DPP6: variants seen among roughly 807,000 people sequenced by gnomAD.
The protein encoded by DPP6 is A-type potassium channel modulatory protein DPP6.
A neutral mutation model predicts 122.6 loss-of-function variants in DPP6; 69 were observed. The observed-to-expected ratio is 0.56, with a 90% confidence interval of 0.46 to 0.69. DPP6 has a LOEUF of 0.69. DPP6 is among the 30% of genes least tolerant of loss of function. The probability of loss-of-function intolerance (pLI) is 0.00; values close to 1 mark genes in which losing one functional copy is unlikely to be tolerated. For synonymous variants in DPP6, 418 were observed against 433.1 expected (o/e 0.97, Z 0.43); for missense variants, 928 against 1,116.9 (o/e 0.83, Z 2.41).
chr7:154,883,053 TCA>T (rs1805537223), intron 21 of DPP6, among the ~76,000 whole-genome samples: 2 of 69,028 alleles, frequency 2.9e-5, no homozygotes, highest in East Asian at 7.9e-4. Flanking sequence ...ACACACATGC[TCA>T]CACATTCACA....
chr7:154,591,859 A>G (rs1394489044), intron 5 of DPP6, among the ~76,000 whole-genome samples: 1 of 152,350 alleles, frequency 6.6e-6, no homozygotes, highest in East Asian at 1.9e-4. Context: ...AAGGAATGCT[A>G]GACTGTGCGT....
chr7:153,853,238 A>G, the DPP6 span, among the ~76,000 whole-genome samples: 5 of 152,312 alleles, frequency 3.3e-5, no homozygotes, highest in East Asian at 3.9e-4. Context: ...CCATGTCTAT[A>G]GCTGTTCTGC....
At chr7:154,868,457 A>C (rs1307884943) in intron 18 of DPP6, among the ~76,000 whole-genome samples, 2 of 152,138 alleles carry the variant, frequency 1.3e-5, no homozygotes, top group Non-Finnish European at 2.9e-5. Context: ...TTCCTGCCTC[A>C]TCAGCTGGTG....
chr7:154,692,348 G>C (rs1277456163), intron 7 of DPP6, among the ~76,000 whole-genome samples: 87 of 152,264 alleles, frequency 5.7e-4, no homozygotes, highest in Admixed American at 5.6e-3. Context: ...TAATTATTGG[G>C]CAAATCTGAG....
chr7:154,511,353 C>A (rs1826080289), intron 3 of DPP6, among the ~76,000 whole-genome samples: 1 of 152,086 alleles, frequency 6.6e-6, no homozygotes, highest in African/African-American at 2.4e-5. Context: ...TGCCTGTAGA[C>A]AGGATGAACA....
At chr7:154,761,378 G>C (rs922320449) in intron 8 of DPP6, among the ~76,000 whole-genome samples, 3 of 152,228 alleles carry the variant, frequency 2.0e-5, no homozygotes, top group African/African-American at 7.2e-5. Context: ...CATCTGACCA[G>C]GGCTTGCTCA....
At chr7:154,480,576 A>G (rs898192127) in intron 3 of DPP6, among the ~76,000 whole-genome samples, 2 of 152,018 alleles carry the variant, frequency 1.3e-5, no homozygotes, top group Admixed American at 1.3e-4. Flanking sequence ...CTGACGTTTA[A>G]TATTGCTGCA....
chr7:154,385,790 A>G (rs1814056945), intron 1 of DPP6, among the ~76,000 whole-genome samples: 1 of 152,142 alleles, frequency 6.6e-6, no homozygotes, highest in Admixed American at 6.6e-5. Context: ...AGAGAAAGCA[A>G]GAAGGATGGT....
chr7:154,236,592 C>T (rs1801229160), intron 1 of DPP6, among the ~76,000 whole-genome samples: 1 of 152,144 alleles, frequency 6.6e-6, no homozygotes, highest in Non-Finnish European at 1.5e-5. Flanking sequence ...GTTTATTTCT[C>T]ACTAAACCAT....
chr7:154,214,528 A>T (rs922607824), intron 1 of DPP6, among the ~76,000 whole-genome samples: 1 of 152,218 alleles, frequency 6.6e-6, no homozygotes, highest in Non-Finnish European at 1.5e-5. Flanking sequence ...ACCACCTCCA[A>T]ACGCCACCTT....
In DPP6 at chr7:154,598,415, C is replaced by G. The variant is rs367782333; in HGVS notation, c.627+31499C>G. Among the ~76,000 whole-genome samples, 8 of 152,152 alleles carry G rather than the reference C, an allele frequency of 5.3e-5. No homozygotes were observed. In the South Asian group the frequency reaches 1.7e-3, roughly 32 times the overall value. On this transcript the variant is annotated intron_variant, in intron 5 of 25. Coordinates refer to ENST00000377770, the MANE Select transcript of DPP6 (RefSeq NM_130797.4). ...AGGTAACGTTATTTGTTGCAGACAG[C>G]CTTTGGCCATTGTGTAGATCCCAAA... is the stretch of plus-strand genomic sequence containing the variant.
intron 10 of DPP6, among the ~76,000 whole-genome samples, chr7:154,775,639 A>AGTGAGT (rs1398021236): frequency 3.3e-5 from 5 of 151,968 alleles, no homozygotes; most frequent in Admixed American, 2.0e-4. Context: ...TTGAACAAGG[A>AGTGAGT]CATCCTAGGG....
chr7:154,078,958 A>C (rs1404530167), intron 1 of DPP6, among the ~76,000 whole-genome samples: 2 of 150,918 alleles, frequency 1.3e-5, no homozygotes, highest in Non-Finnish European at 3.0e-5. Flanking sequence ...AAAAAAAAAA[A>C]AAAAAAAAAA....
chr7:154,732,197 G>A (rs946994260), intron 8 of DPP6, among the ~76,000 whole-genome samples: 2 of 105,518 alleles, frequency 1.9e-5, no homozygotes, highest in South Asian at 4.2e-4. Flanking sequence ...CTGCCACCAT[G>A]CCCGGCTAAT....
intron 16 of DPP6, among the ~76,000 whole-genome samples, chr7:154,824,988 C>T (rs1358246820): frequency 5.3e-5 from 8 of 152,222 alleles, no homozygotes; most frequent in South Asian, 2.1e-4. Context: ...AGCAGAAGTA[C>T]TAAATCCATA....
Position 154,052,804 on chromosome 7 carries a change from C to T in DPP6, c.-17C>T, listed in dbSNP as rs1380172077. The T allele has an allele frequency of 4.0e-6, 6 of 1,510,250 alleles. No individual in the cohort carries two copies. The highest frequency in any genetic ancestry group is 1.4e-5 in the African/African-American group (1 of 71,734). The allele number at this position is 1,510,250 out of a possible 1,614,324, so 93.6% of individuals were successfully genotyped here. ...ATTAAAAAGCCCCAAAGACAGCCAGCAGGAGCGCGGTGCCCGATGGCTTCG... is the reference window on the plus strand; with the variant it reads ...ATTAAAAAGCCCCAAAGACAGCCAGTAGGAGCGCGGTGCCCGATGGCTTCG... On this transcript the variant is annotated 5_prime_UTR_variant, in exon 1 of 26. Transcript: ENST00000377770. The surrounding 1 kb of genome is among the most constrained non-coding windows in gnomAD (Gnocchi z 4.8).
the DPP6 span, among the ~76,000 whole-genome samples, chr7:153,770,159 C>A: frequency 6.6e-6 from 1 of 152,128 alleles, no homozygotes; most frequent in African/African-American, 2.4e-5. Flanking sequence ...AATAAAAAGT[C>A]TTAATCTGCC....
chr7:154,186,226 AT>A (rs1798346530), intron 1 of DPP6, among the ~76,000 whole-genome samples: 1 of 152,160 alleles, frequency 6.6e-6, no homozygotes, highest in Non-Finnish European at 1.5e-5. Context: ...TGAGTGTCAC[AT>A]TTTCTAGATG....
chr7:154,465,194 G>A (rs1169136245), intron 2 of DPP6, among the ~76,000 whole-genome samples: 1 of 152,176 alleles, frequency 6.6e-6, no homozygotes, highest in East Asian at 1.9e-4. Context: ...GTTACAGAAT[G>A]CAAGGTCTAT....
Sources: gnomAD v4.1 joint callset for allele counts (sites outside exome capture counted in the v4.1 genomes callset) on GRCh38, gnomAD v4.1.1 for gene constraint, Gnocchi (gnomAD v3.1) non-coding constraint, MANE v1.5 for transcripts, NCBI Gene and HGNC (gene_info 2026-07-23, HGNC 2026-07-21) for gene names.